The following NBAS variants were observed in gnomAD, a reference collection of about 807,000 sequenced individuals.
NBAS encodes the protein NBAS subunit of NRZ tethering complex.
Under a neutral mutation model 302.5 loss-of-function variants are expected in NBAS, and 219 were observed. The observed-to-expected ratio is 0.72, with a 90% CI of 0.65 to 0.81. The LOEUF (loss-of-function observed/expected upper bound fraction) is 0.81, where lower values mean the gene tolerates loss of function less well. Among genes scored for constraint, NBAS ranks in the 30% least tolerant of loss-of-function variants. The pLI is 0.00. For missense variants in NBAS, 2,932 were observed against 2,841.6 expected, an observed-to-expected ratio of 1.03 and a Z score of -0.72; for synonymous variants, 1,118 against 1,021.6, an observed-to-expected ratio of 1.09 and a Z score of -1.80.
At chr2:15,228,758 A>G (rs766588687) in intron 47 of NBAS, among the ~76,000 whole-genome samples, 2 of 152,186 alleles carry the variant, frequency 1.3e-5, no homozygotes, top group South Asian at 4.1e-4. Context: ...TCTCACTCAT[A>G]TGTGGAATCT....
chr2:14,819,514 T>C, the NBAS span, among the ~76,000 whole-genome samples: 1 of 152,228 alleles, frequency 6.6e-6, no homozygotes, highest in Non-Finnish European at 1.5e-5. Context: ...CAAAATGCTT[T>C]TGTATAGATC....
chr2:15,424,289 G>T, intron 23 of NBAS, 26 bp downstream of exon 23: 1 of 1,613,456 alleles, frequency 6.2e-7, no homozygotes, highest in South Asian at 1.1e-5. Flanking sequence ...TAACATTACT[G>T]AGCAGCAGCT....
At chr2:15,445,764 A>ATT (rs1678704208) in intron 21 of NBAS, among the ~76,000 whole-genome samples, 1 of 152,120 alleles carries the variant, frequency 6.6e-6, no homozygotes, top group Admixed American at 6.5e-5. Flanking sequence ...AGGTATGTAA[A>ATT]GAAGAAGGAA....
At chr2:15,554,720 A>G (rs1042619683) in intron 3 of NBAS, among the ~76,000 whole-genome samples, 1 of 150,972 alleles carries the variant, frequency 6.6e-6, no homozygotes, top group Non-Finnish European at 1.5e-5. Context: ...TCATTGAAAG[A>G]ACTAGAAACA....
At position 15,330,612 on chromosome 2, in the gene NBAS, G is replaced by A; in HGVS notation, c.4333C>T (p.Leu1445Phe). ...GQWWKKSLTYLRPLQGQKCGG... is the reference protein window; with the variant it reads ...GQWWKKSLTYFRPLQGQKCGG... ...GCACTGCTTACCTGAAGGGGTCGAAGGTAAGTTAAAGACTTCTTCCACCAC... is the reference window on the plus strand; with the variant it reads ...GCACTGCTTACCTGAAGGGGTCGAAAGTAAGTTAAAGACTTCTTCCACCAC... Residue 1445 changes from leucine to phenylalanine, a missense_variant, in exon 36 of 52, where the codon CTT (leucine) becomes TTT (phenylalanine). Transcript: ENST00000281513. 1 of 1,613,868 alleles carries A rather than the reference G, an allele frequency of 6.2e-7. No homozygotes were observed. Among genetic ancestry groups the A allele is most frequent in the South Asian group, 1.1e-5 (1 of 91,056 alleles).
intron 41 of NBAS, among the ~76,000 whole-genome samples, chr2:15,290,116 G>C (rs1329026351): frequency 6.6e-6 from 1 of 151,738 alleles, no homozygotes; most frequent in East Asian, 1.9e-4. Context: ...AGAGGGGAGA[G>C]GGGAGAGAGG....
At chr2:15,443,659 T>C (rs1248216950) in intron 21 of NBAS, among the ~76,000 whole-genome samples, 129 of 150,492 alleles carry the variant, frequency 8.6e-4, no homozygotes, top group Middle Eastern at 3.4e-3. Flanking sequence ...CCAGGGCAAT[T>C]AGGCAGGAGA....
chr2:15,082,513 T>C, the NBAS span, among the ~76,000 whole-genome samples: 1 of 152,174 alleles, frequency 6.6e-6, no homozygotes, highest in Non-Finnish European at 1.5e-5. Context: ...TTCGGCTCCA[T>C]GCTGCACCCC....
the NBAS span, among the ~76,000 whole-genome samples, chr2:14,903,495 C>T: frequency 1.9e-4 from 29 of 152,326 alleles, no homozygotes; most frequent in African/African-American, 6.5e-4. Flanking sequence ...TCAGGAAAAG[C>T]TGCTCCCATG....
the NBAS span, among the ~76,000 whole-genome samples, chr2:14,973,849 A>T: frequency 2.2e-3 from 340 of 152,322 alleles, no homozygotes; most frequent in African/African-American, 7.9e-3. Flanking sequence ...TTGCCTACTG[A>T]ATCAAGCTAA....
intron 28 of NBAS, among the ~76,000 whole-genome samples, chr2:15,388,713 C>A (rs1397664988): frequency 6.6e-6 from 1 of 152,024 alleles, no homozygotes; most frequent in Non-Finnish European, 1.5e-5. Flanking sequence ...GTATTAATTA[C>A]AGGAGAAACT....
intron 38 of NBAS, among the ~76,000 whole-genome samples, chr2:15,324,468 A>T (rs1314193160): frequency 6.6e-6 from 1 of 151,874 alleles, no homozygotes; most frequent in Non-Finnish European, 1.5e-5. Context: ...CTTCCTCCAA[A>T]CCCATCTCTC....
intron 9 of NBAS, among the ~76,000 whole-genome samples, chr2:15,530,183 A>T (rs1427052879): frequency 2.0e-5 from 3 of 152,172 alleles, no homozygotes; most frequent in Non-Finnish European, 4.4e-5. Flanking sequence ...AGTTAACAGT[A>T]TTATATTTAT....
At chr2:15,022,946 T>A in the NBAS span, among the ~76,000 whole-genome samples, 1,864 of 150,064 alleles carry the variant, frequency 0.012, 37 homozygotes, top group African/African-American at 0.044. Flanking sequence ...TTTTTTTTTA[T>A]TTTTTTTTGT....
the NBAS span, among the ~76,000 whole-genome samples, chr2:14,896,350 G>C: frequency 6.6e-6 from 1 of 152,138 alleles, no homozygotes; most frequent in African/African-American, 2.4e-5. Context: ...TGTGTATTAA[G>C]CCTTTTTCAA....
chr2:15,402,207 C>A lies in NBAS; in HGVS notation c.3032G>T (p.Cys1011Phe), dbSNP rs1676189080. Residue 1011 changes from cysteine (C) to phenylalanine (F), a missense_variant, in exon 26 of 52, where the codon TGC becomes TTC. Cys to Phe is a radical substitution (Grantham distance 205). Transcript: ENST00000281513. The part of the protein sequence containing the change: ...TCERNDQLCL[C>F]YDLLECLPER... ...TGGCAGACATTCTAGTAGGTCATAG[C>A]AAAGACAGAGTTGATCATTTCGTTC... The A allele has an allele frequency of 2.5e-6, 4 of 1,613,450 alleles. No individual in the cohort carries two copies. The highest frequency in any genetic ancestry group is 3.4e-6 in the Non-Finnish European group (4 of 1,179,678).
At chr2:15,237,560 ATATTTATTTATTTATTTATTTATT>A (rs35617829) in intron 45 of NBAS, among the ~76,000 whole-genome samples, 9 of 139,926 alleles carry the variant, frequency 6.4e-5, no homozygotes, top group African/African-American at 1.6e-4. Context: ...GAAAATCAAA[ATATTTATTTATTTATTTATTTATT>A]TATTTATTTA....
chr2:15,514,560 A>C (rs1032780038), intron 9 of NBAS, among the ~76,000 whole-genome samples: 1 of 152,044 alleles, frequency 6.6e-6, no homozygotes, highest in Admixed American at 6.6e-5. Context: ...ATCACTACTT[A>C]AGAATTCAAT....
At chr2:14,963,934 C>T in the NBAS span, among the ~76,000 whole-genome samples, 3 of 152,300 alleles carry the variant, frequency 2.0e-5, no homozygotes, top group Non-Finnish European at 4.4e-5. Context: ...AATACTCAGA[C>T]GAGTCTTCCT....
Sources: gnomAD v4.1 joint callset for allele counts (sites outside exome capture counted in the v4.1 genomes callset) on GRCh38, gnomAD v4.1.1 for gene constraint, MANE v1.5 for transcripts, NCBI Gene and HGNC (gene_info 2026-07-23, HGNC 2026-07-21) for gene names.